Variants in GRM8 observed in about 807,000 individuals in gnomAD.
GRM8 encodes the protein glutamate metabotropic receptor 8.
GRM8 carries 47 observed loss-of-function variants against 87.2 expected under a neutral mutation model. The observed-to-expected ratio is 0.54, with a 90% CI of 0.43 to 0.69. The LOEUF (loss-of-function observed/expected upper bound fraction) is 0.69, where lower values mean the gene tolerates loss of function less well. Ranked by LOEUF, GRM8 falls within the 30% of genes least tolerant of loss-of-function variation. GRM8 has a pLI of 0.00. For synonymous variants in GRM8, 396 were observed against 404.5 expected (o/e 0.98, Z 0.25); for missense variants, 1,019 against 1,139.2 (o/e 0.89, Z 1.52).
chr7:126,439,195 A>G (rs912354581), intron 10 of GRM8, 27 bp from the exon 11 acceptor site: 1 of 1,233,696 alleles, frequency 8.1e-7, no homozygotes, highest in African/African-American at 1.5e-5. Context: ...GGACAAATTA[A>G]AATAGTATAT....
intron 6 of GRM8, among the ~76,000 whole-genome samples, chr7:126,829,823 T>A (rs1795184909): frequency 6.6e-6 from 1 of 152,220 alleles, no homozygotes; most frequent in Non-Finnish European, 1.5e-5. Context: ...TTTGGCATGA[T>A]TTTGCAGCGG....
At chr7:127,235,485 C>T (rs192178852) in intron 2 of GRM8, among the ~76,000 whole-genome samples, 5 of 152,336 alleles carry the variant, frequency 3.3e-5, no homozygotes, top group Admixed American at 6.5e-5. Flanking sequence ...AAAATTCATT[C>T]TAGAGCTAAT....
chr7:126,552,517 C>T (rs1792697191), intron 8 of GRM8, among the ~76,000 whole-genome samples: 1 of 152,018 alleles, frequency 6.6e-6, no homozygotes, highest in African/African-American at 2.4e-5. Flanking sequence ...GAGAATTATA[C>T]AATACAAGCT....
chr7:126,512,534 T>C (rs568653325), intron 9 of GRM8: 23 of 152,290 alleles, frequency 1.5e-4, no homozygotes, highest in Admixed American at 1.2e-3. Context: ...AACCATCCAG[T>C]ATGTGCTCCA....
At chr7:126,752,616 A>AT (rs1563153015) in intron 7 of GRM8, among the ~76,000 whole-genome samples, 1 of 152,132 alleles carries the variant, frequency 6.6e-6, no homozygotes, top group Non-Finnish European at 1.5e-5. Context: ...ATGATGTGTC[A>AT]TTTTAACTCT....
chr7:127,108,858 T>C (rs1389614250), intron 2 of GRM8, among the ~76,000 whole-genome samples: 1 of 152,204 alleles, frequency 6.6e-6, no homozygotes, highest in South Asian at 2.1e-4. Context: ...CAGATCAATG[T>C]GTGGGAAAGC....
intron 2 of GRM8, among the ~76,000 whole-genome samples, chr7:127,176,334 C>A (rs17867783): frequency 3.9e-5 from 6 of 151,996 alleles, no homozygotes; most frequent in Non-Finnish European, 7.4e-5. Flanking sequence ...TACAACTATA[C>A]CAATAATCAC....
At chr7:126,793,164 T>C (rs1417460157) in intron 6 of GRM8, among the ~76,000 whole-genome samples, 2 of 152,198 alleles carry the variant, frequency 1.3e-5, no homozygotes, top group South Asian at 2.1e-4. Flanking sequence ...ATTATGTGTC[T>C]TCTTTTTCTA....
intron 3 of GRM8, among the ~76,000 whole-genome samples, chr7:126,992,867 C>T (rs1309631108): frequency 6.6e-6 from 1 of 151,264 alleles, no homozygotes. Flanking sequence ...ACAAAGAGGT[C>T]ATGTGAGCAC....
chr7:126,482,781 G>A (rs1806849275), intron 9 of GRM8, among the ~76,000 whole-genome samples: 1 of 151,866 alleles, frequency 6.6e-6, no homozygotes, highest in Non-Finnish European at 1.5e-5. Context: ...ACTTAAAAAT[G>A]GTTGAGAGTA....
At chr7:126,608,866 C>G (rs1300359818) in intron 8 of GRM8, among the ~76,000 whole-genome samples, 1 of 151,772 alleles carries the variant, frequency 6.6e-6, no homozygotes, top group Non-Finnish European at 1.5e-5. Context: ...CGGGTTCACG[C>G]CATTCTCCTG....
At chr7:127,232,627 C>T (rs1047568456) in intron 2 of GRM8, among the ~76,000 whole-genome samples, 1 of 152,164 alleles carries the variant, frequency 6.6e-6, no homozygotes, top group African/African-American at 2.4e-5. Flanking sequence ...GCAAGTCAGT[C>T]TGAATGGCTG....
intron 2 of GRM8, among the ~76,000 whole-genome samples, chr7:127,116,967 A>G (rs1425571338): frequency 6.6e-6 from 1 of 152,220 alleles, no homozygotes; most frequent in African/African-American, 2.4e-5. Flanking sequence ...CAGATCTCTG[A>G]GTCCTGAGGC....
chr7:126,647,849 T>C (rs572659135), intron 7 of GRM8, among the ~76,000 whole-genome samples: 2 of 152,274 alleles, frequency 1.3e-5, no homozygotes, highest in South Asian at 4.1e-4. Context: ...TCCCATGTTG[T>C]TCTCTTCCAA....
chr7:126,597,895 A>G (rs1417358501), intron 8 of GRM8, among the ~76,000 whole-genome samples: 1 of 152,064 alleles, frequency 6.6e-6, no homozygotes, highest in East Asian at 1.9e-4. Flanking sequence ...ATCTCCTTCA[A>G]ACATTTATCA....
At position 126,947,121 on chromosome 7, in the gene GRM8, C is replaced by T. The variant is rs1490950367; in HGVS notation, c.728-42438G>A. 2.0e-5 allele frequency among the ~76,000 whole-genome samples: 3 copies of T among 152,314 alleles called. No individual in the cohort carries two copies. The East Asian group carries it at 5.8e-4, about 29-fold the overall frequency. On this transcript the variant is annotated intron_variant, in intron 3 of 10. Transcript: ENST00000339582. ...ATGTCAAGTACCCTTTATGAGGCTT[C>T]ATTTACTCTTCATTTACCCTTTGTG... is the stretch of plus-strand genomic sequence containing the variant.
intron 9 of GRM8, among the ~76,000 whole-genome samples, chr7:126,477,814 T>C (rs1008572853): frequency 6.6e-6 from 1 of 152,160 alleles, no homozygotes; most frequent in Non-Finnish European, 1.5e-5. Context: ...GTGGCTGTTC[T>C]AACAAATTCA....
chr7:126,776,940 T>G (rs990317795), intron 6 of GRM8, among the ~76,000 whole-genome samples: 1 of 152,174 alleles, frequency 6.6e-6, no homozygotes, highest in African/African-American at 2.4e-5. Context: ...TTCAAGTAAG[T>G]GTGACAGAAC....
At chr7:126,507,412 A>C (rs945304047) in intron 9 of GRM8, among the ~76,000 whole-genome samples, 1 of 152,124 alleles carries the variant, frequency 6.6e-6, no homozygotes, top group Non-Finnish European at 1.5e-5. Context: ...TTGTGTCATG[A>C]ACAGCAGTGT....
Sources: gnomAD v4.1 joint callset for allele counts (sites outside exome capture counted in the v4.1 genomes callset) on GRCh38, gnomAD v4.1.1 for gene constraint, MANE v1.5 for transcripts, NCBI Gene and HGNC (gene_info 2026-07-23, HGNC 2026-07-21) for gene names.